The following FRMD3 variants were observed in gnomAD, a reference collection of about 807,000 sequenced individuals.
FRMD3 encodes FERM domain-containing protein 3.
Under a neutral mutation model 70.2 loss-of-function variants are expected in FRMD3, and 33 were observed. That is an observed-to-expected ratio of 0.47 (90% confidence interval 0.36 to 0.63). The LOEUF (loss-of-function observed/expected upper bound fraction) is 0.63, where lower values mean the gene tolerates loss of function less well. FRMD3 is among the 20% of genes least tolerant of loss of function. The probability of loss-of-function intolerance (pLI) is 0.00; values close to 1 mark genes in which losing one functional copy is unlikely to be tolerated. For missense variants in FRMD3, 632 were observed against 711.4 expected (o/e 0.89, Z 1.27); for synonymous variants, 279 against 255.9 (o/e 1.09, Z -0.86).
chr9:83,286,929 T>A (rs181083110), intron 13 of FRMD3, among the ~76,000 whole-genome samples: 1 of 152,200 alleles, frequency 6.6e-6, no homozygotes, highest in South Asian at 2.1e-4. Flanking sequence ...TGGGTCTCTA[T>A]AGTCTCATCT....
rs1010036240 is a variant in FRMD3, at chr9:83,286,985, T to C, written c.1195+3618A>G. 4.6e-5 allele frequency among the ~76,000 whole-genome samples: 7 copies of C among 152,298 alleles called. 1 individual carries two copies. Among genetic ancestry groups the C allele is most frequent in the Admixed American group, 6.5e-5 (1 of 15,306 alleles). ...TGTTTTCAACTCAATGTCTCCGAGA[T>C]AAGAGCAGGACCCGGACGGTAGGAA... On this transcript the variant is annotated intron_variant, in intron 13 of 13. Coordinates refer to ENST00000304195, the MANE Select transcript of FRMD3 (RefSeq NM_174938.6).
At chr9:83,369,729 T>C (rs1564040757) in intron 3 of FRMD3, among the ~76,000 whole-genome samples, 1 of 151,982 alleles carries the variant, frequency 6.6e-6, no homozygotes, top group African/African-American at 2.4e-5. Flanking sequence ...AATAACAAGA[T>C]GAAGAAAAAT....
At chr9:83,452,941 G>A (rs909864163) in intron 1 of FRMD3, among the ~76,000 whole-genome samples, 12 of 132,578 alleles carry the variant, frequency 9.1e-5, no homozygotes, top group Admixed American at 8.0e-4. Flanking sequence ...TGCAGCCTCC[G>A]CCTCTCAGGT....
chr9:83,398,698 G>A (rs947539722), intron 1 of FRMD3, among the ~76,000 whole-genome samples: 2 of 152,094 alleles, frequency 1.3e-5, no homozygotes, highest in South Asian at 4.2e-4. Context: ...ATGTAATTCT[G>A]AATACATATC....
intron 13 of FRMD3, among the ~76,000 whole-genome samples, chr9:83,274,514 G>A (rs1169439252): frequency 6.6e-6 from 1 of 152,176 alleles, no homozygotes; most frequent in Non-Finnish European, 1.5e-5. Context: ...TTTACCTGGT[G>A]CAGCAAGGAA....
chr9:83,376,254 G>A (rs551957759), intron 2 of FRMD3, among the ~76,000 whole-genome samples: 78 of 151,046 alleles, frequency 5.2e-4, no homozygotes, highest in African/African-American at 1.8e-3. Context: ...GGACAAAGAG[G>A]TACCCAACAA....
chr9:83,381,429 G>A (rs368509013), intron 2 of FRMD3, among the ~76,000 whole-genome samples: 144 of 152,064 alleles, frequency 9.5e-4, no homozygotes, highest in African/African-American at 2.7e-3. Flanking sequence ...GGTGGCACAC[G>A]CCTGTATTCC....
chr9:83,420,562 G>T (rs1395575254), intron 1 of FRMD3, among the ~76,000 whole-genome samples: 2 of 152,084 alleles, frequency 1.3e-5, no homozygotes, highest in Non-Finnish European at 2.9e-5. Context: ...GCTCTAAAAT[G>T]GTTGGCAGAG....
chr9:83,317,193 T>TACACACACAC (rs71823603), intron 6 of FRMD3, among the ~76,000 whole-genome samples: 49 of 145,120 alleles, frequency 3.4e-4, no homozygotes, highest in African/African-American at 1.2e-3. Context: ...CTCTCATGCA[T>TACACACACAC]ACACACACAC....
chr9:83,369,218 T>C (rs1326143797), intron 3 of FRMD3, among the ~76,000 whole-genome samples: 1 of 152,192 alleles, frequency 6.6e-6, no homozygotes, highest in South Asian at 2.1e-4. Context: ...AGCATGTTTA[T>C]TGCAGTACAC....
chr9:83,341,145 C>G lies in FRMD3; in HGVS notation c.472+2045G>C, dbSNP rs74976073. 6.7e-3 allele frequency among the ~76,000 whole-genome samples: 1,015 copies of G among 152,176 alleles called. 11 individuals carry two copies. Among genetic ancestry groups the G allele is most frequent in the African/African-American group, 0.023 (965 of 41,528 alleles). On this transcript the variant is annotated intron_variant, in intron 5 of 13. Coordinates refer to ENST00000304195, the MANE Select transcript of FRMD3 (RefSeq NM_174938.6). The stretch of plus-strand genomic sequence containing the variant: ...ATTTGTGAATGACCTGCAGTGCTGC[C>G]GAAGTACTCACCCGAGAATCAGACC...
chr9:83,570,280 G>A, the FRMD3 span, among the ~76,000 whole-genome samples: 1 of 152,158 alleles, frequency 6.6e-6, no homozygotes, highest in Admixed American at 6.5e-5. Flanking sequence ...AAACTAGATG[G>A]TGATCCAATT....
intron 1 of FRMD3, among the ~76,000 whole-genome samples, chr9:83,421,094 C>A (rs1158983666): frequency 4.6e-5 from 7 of 151,700 alleles, no homozygotes; most frequent in African/African-American, 1.7e-4. Flanking sequence ...GCGCCCGCCA[C>A]CACGCCCGGC....
chr9:83,376,619 T>C (rs1825153681), intron 2 of FRMD3, among the ~76,000 whole-genome samples: 1 of 151,806 alleles, frequency 6.6e-6, no homozygotes, highest in Admixed American at 6.6e-5. Context: ...TCCTTTTTTT[T>C]TTTTTTTTGG....
At chr9:83,546,223 G>A in the FRMD3 span, among the ~76,000 whole-genome samples, 5 of 152,156 alleles carry the variant, frequency 3.3e-5, no homozygotes, top group African/African-American at 4.8e-5. Flanking sequence ...CAGGCATGGC[G>A]GTAAGCCCCT....
chr9:83,508,738 T>G (rs2131526789), intron 1 of FRMD3, among the ~76,000 whole-genome samples: 1 of 152,298 alleles, frequency 6.6e-6, no homozygotes. Context: ...AGTGACAAAC[T>G]GCAGCACGTG....
At chr9:83,459,199 C>T (rs1827901551) in intron 1 of FRMD3, among the ~76,000 whole-genome samples, 1 of 152,204 alleles carries the variant, frequency 6.6e-6, no homozygotes, top group Admixed American at 6.5e-5. Context: ...TTGTCCATCA[C>T]TTAAGAGCCT....
intron 13 of FRMD3, among the ~76,000 whole-genome samples, chr9:83,256,755 G>GA (rs923550414): frequency 1.1e-4 from 17 of 149,838 alleles, no homozygotes; most frequent in Admixed American, 4.0e-4. Context: ...ACAAACATAT[G>GA]AAAAAAAAAG....
intron 6 of FRMD3, among the ~76,000 whole-genome samples, chr9:83,323,955 G>A (rs1013835537): frequency 2.0e-5 from 3 of 152,178 alleles, no homozygotes; most frequent in African/African-American, 7.2e-5. Context: ...CTTACACTAG[G>A]GAGTCCTGTA....
Sources: gnomAD v4.1 joint callset for allele counts (sites outside exome capture counted in the v4.1 genomes callset) on GRCh38, gnomAD v4.1.1 for gene constraint, MANE v1.5 for transcripts, NCBI Gene and HGNC (gene_info 2026-07-23, HGNC 2026-07-21) for gene names.